Variants in ASAP1 observed in about 807,000 individuals in gnomAD.
The protein encoded by ASAP1 is ArfGAP with SH3 domain, ankyrin repeat and PH domain 1.
In ASAP1, 43 loss-of-function variants were observed where a neutral mutation model predicts 145.2. That is an observed-to-expected ratio of 0.30 (90% CI 0.23 to 0.38). ASAP1 has a LOEUF of 0.38. ASAP1 is among the 10% of genes least tolerant of loss of function. ASAP1 has a pLI of 1.00. For synonymous variants in ASAP1, 546 were observed against 515.5 expected (o/e 1.06, Z -0.80); for missense variants, 1,018 against 1,355.3 (o/e 0.75, Z 3.91).
intron 27 of ASAP1, 117 bp downstream of exon 27, chr8:130,076,231 G>C: frequency 1.6e-6 from 1 of 627,134 alleles, no homozygotes; most frequent in Non-Finnish European, 2.8e-6. Context: ...CTACATGCCA[G>C]GTGCTGCTCT....
At position 130,182,590 on chromosome 8, in the gene ASAP1, A is replaced by G. The variant is rs138916310; in HGVS notation, c.531-1710T>C. On this transcript the variant is annotated intron_variant, in intron 7 of 29. Coordinates refer to ENST00000518721, the MANE Select transcript of ASAP1 (RefSeq NM_018482.4). ...GGCTTTCTGCTTTCTTGGAGAAAGC[A>G]GATCTCTAATGATGCATATAAACTT... Among the ~76,000 whole-genome samples the G allele has an allele frequency of 8.1e-3, 1,238 of 152,290 alleles. 17 individuals carry two copies. Among genetic ancestry groups the G allele is most frequent in the African/African-American group, 0.029 (1,195 of 41,558 alleles).
At position 130,300,147 on chromosome 8, in the gene ASAP1, CACACACAGAGAGAGAGAG is replaced by C. The variant is rs1159361091; in HGVS notation, c.186+57852_186+57869del. Reference sequence around the variant, plus strand: ...ACACACACACACACACACACACACACACACACAGAGAGAGAGAGAGAGAGAGAGAGAGAGAGAGAGCGA... The same window carrying C: ...ACACACACACACACACACACACACACAGAGAGAGAGAGAGAGAGAGAGCGA... On this transcript the variant is annotated intron_variant, in intron 3 of 29. Transcript: ENST00000518721. 3.0e-5 allele frequency among the ~76,000 whole-genome samples: 3 copies of C among 100,340 alleles called. No individual in the cohort carries two copies. In the East Asian group the frequency reaches 1.1e-3, roughly 38 times the overall value. 65.8% of individuals were successfully genotyped at this position (100,340 alleles called of 152,430 possible). A position where few individuals can be genotyped will look rare whatever the true frequency, so the allele number is the denominator to read the frequency against.
chr8:130,336,654 C>T (rs1825054506), intron 3 of ASAP1, among the ~76,000 whole-genome samples: 2 of 152,088 alleles, frequency 1.3e-5, no homozygotes. Flanking sequence ...GAAAAGATGC[C>T]ATACTCTTAC....
chr8:130,200,266 T>A (rs559203329), intron 5 of ASAP1, among the ~76,000 whole-genome samples: 38 of 151,990 alleles, frequency 2.5e-4, no homozygotes, highest in Non-Finnish European at 5.4e-4. Flanking sequence ...AACAGGAAGT[T>A]GGGTAAATAA....
intron 2 of ASAP1, among the ~76,000 whole-genome samples, chr8:130,393,537 C>T (rs1828382931): frequency 6.6e-6 from 1 of 152,208 alleles, no homozygotes; most frequent in Non-Finnish European, 1.5e-5. Flanking sequence ...GGGCAGATCA[C>T]TTGAGGTCAG....
chr8:130,320,321 C>T (rs1336918668), intron 3 of ASAP1, among the ~76,000 whole-genome samples: 4 of 151,996 alleles, frequency 2.6e-5, no homozygotes, highest in Non-Finnish European at 5.9e-5. Flanking sequence ...TTTGGGAGGC[C>T]GAGGTGGGAG....
At chr8:130,290,433 T>C (rs1204864840) in intron 3 of ASAP1, among the ~76,000 whole-genome samples, 1 of 152,220 alleles carries the variant, frequency 6.6e-6, no homozygotes, top group Non-Finnish European at 1.5e-5. Context: ...GAATACTTTC[T>C]CTAACCCTTA....
chr8:130,152,455 GT>G (rs1284612999), intron 13 of ASAP1: 2 of 245,790 alleles, frequency 8.1e-6, no homozygotes, highest in East Asian at 1.5e-4. Context: ...AAAGACCTAG[GT>G]TTTTCAGAAC....
At chr8:130,144,583 T>C (rs2097622599) in intron 13 of ASAP1, among the ~76,000 whole-genome samples, 1 of 152,224 alleles carries the variant, frequency 6.6e-6, no homozygotes, top group Non-Finnish European at 1.5e-5. Context: ...TTGCCTTTTC[T>C]GGTTCTTACT....
rs553205246 is a variant in ASAP1 at position 130,249,314 on chromosome 8, C to T, written c.187-12320G>A. Among the ~76,000 whole-genome samples the T allele has an allele frequency of 2.6e-5, 4 of 152,292 alleles. No individual in the cohort carries two copies. The South Asian group carries it at 8.3e-4, about 32-fold the overall frequency. On this transcript the variant is annotated intron_variant, in intron 3 of 29. Transcript: ENST00000518721. ...TCACCTCAATCTACTTTCACAGACT[C>T]GCCTTTGCAGCCAACCCACCCTTGT...
intron 27 of ASAP1, 106 bp downstream of exon 27, chr8:130,076,242 A>T: frequency 1.4e-6 from 1 of 706,880 alleles, no homozygotes; most frequent in Non-Finnish European, 2.4e-6. Context: ...GTGCTGCTCT[A>T]GGCATTTGGG....
At chr8:130,159,549 G>GAAAA (rs869060434) in intron 12 of ASAP1, among the ~76,000 whole-genome samples, 1 of 84,158 alleles carries the variant, frequency 1.2e-5, no homozygotes. Context: ...GTGAACTCAG[G>GAAAA]AAAAAAAAAA....
intron 1 of ASAP1, among the ~76,000 whole-genome samples, chr8:130,425,809 C>G (rs1209325113): frequency 6.6e-6 from 1 of 152,202 alleles, no homozygotes; most frequent in Admixed American, 6.5e-5. Flanking sequence ...GACAGACTAA[C>G]AAACTTGATG....
At chr8:130,078,319 C>T (rs2097469159) in intron 26 of ASAP1, among the ~76,000 whole-genome samples, 1 of 151,528 alleles carries the variant, frequency 6.6e-6, no homozygotes. Flanking sequence ...TTTTTTGAGA[C>T]AGGGTCTTGC....
At chr8:130,187,041 C>A (rs1197970360) in intron 7 of ASAP1, among the ~76,000 whole-genome samples, 195 bp downstream of exon 7, 1 of 152,182 alleles carries the variant, frequency 6.6e-6, no homozygotes, top group African/African-American at 2.4e-5. Flanking sequence ...ACAGGACATG[C>A]AACCACTTTA....
chr8:130,376,816 T>C (rs1006340308), intron 2 of ASAP1, among the ~76,000 whole-genome samples: 1 of 146,514 alleles, frequency 6.8e-6, no homozygotes, highest in African/African-American at 2.5e-5. Context: ...GGCAGGAGAA[T>C]CGTTTGAAGC....
chr8:130,179,248 G>C lies in ASAP1; in HGVS notation c.746+16C>G, dbSNP rs777073792. On this transcript the variant is annotated intron_variant, in intron 9 of 29. Coordinates refer to ENST00000518721, the MANE Select transcript of ASAP1 (RefSeq NM_018482.4). ...AGTAATTGGGCTAATAACAATGCTTGCAATATTCTACTCACTTGCACTGTG... is the reference window on the plus strand; with the variant it reads ...AGTAATTGGGCTAATAACAATGCTTCCAATATTCTACTCACTTGCACTGTG... 2 of 1,528,928 alleles carry C rather than the reference G, an allele frequency of 1.3e-6. No individual in the cohort carries two copies. Among genetic ancestry groups the C allele is most frequent in the Non-Finnish European group, 1.8e-6 (2 of 1,105,706 alleles). The allele number at this position is 1,528,928 out of a possible 1,614,324, so 94.7% of individuals were successfully genotyped here.
intron 3 of ASAP1, among the ~76,000 whole-genome samples, chr8:130,245,366 G>C (rs1440088218): frequency 1.3e-5 from 2 of 152,082 alleles, no homozygotes; most frequent in Non-Finnish European, 2.9e-5. Context: ...GGTGCCTACA[G>C]CTTAATGGCT....
chr8:130,144,297 T>C (rs2097621562), intron 13 of ASAP1, among the ~76,000 whole-genome samples: 1 of 152,206 alleles, frequency 6.6e-6, no homozygotes. Flanking sequence ...GTAACAATTT[T>C]TTGAAAAACT....
Sources: gnomAD v4.1 joint callset for allele counts (sites outside exome capture counted in the v4.1 genomes callset) on GRCh38, gnomAD v4.1.1 for gene constraint, MANE v1.5 for transcripts, NCBI Gene and HGNC (gene_info 2026-07-23, HGNC 2026-07-21) for gene names.